Variants in PNPLA3 observed in about 807,000 individuals in gnomAD.
The protein encoded by PNPLA3 is 1-acylglycerol-3-phosphate O-acyltransferase PNPLA3.
A neutral mutation model predicts 43.1 loss-of-function variants in PNPLA3; 42 were observed. The ratio of observed to expected loss-of-function variants is 0.97; its 90% CI spans 0.76 to 1.26. PNPLA3 has a LOEUF of 1.26. Among genes scored for constraint, PNPLA3 ranks in the 50% most tolerant of loss-of-function variants. The pLI is 0.00. For synonymous variants in PNPLA3, 272 were observed against 253.6 expected (o/e 1.07, Z -0.69); for missense variants, 647 against 621.4 (o/e 1.04, Z -0.44).
rs78025921 is a variant in PNPLA3, at chr22:43,932,008, G to C, written c.487-870G>C. Among the ~76,000 whole-genome samples, 3 of 152,212 alleles carry C rather than the reference G, an allele frequency of 2.0e-5. No homozygotes were observed. In the East Asian group the frequency reaches 5.8e-4, roughly 29 times the overall value. On this transcript the variant is annotated intron_variant, in intron 3 of 8. Transcript: ENST00000216180. ...CCAAACTCTGCTCTGAAATTCCTCCGTGTGGAAGGGCGGGCTGGGGAGAGC... is the reference window on the plus strand; with the variant it reads ...CCAAACTCTGCTCTGAAATTCCTCCCTGTGGAAGGGCGGGCTGGGGAGAGC...
intron 5 of PNPLA3, among the ~76,000 whole-genome samples, chr22:43,934,999 G>A (rs1322305512): frequency 1.3e-5 from 2 of 152,094 alleles, no homozygotes; most frequent in East Asian, 3.9e-4. Context: ...GACCTCTTGT[G>A]ACCCTTAGTT....
intron 3 of PNPLA3, among the ~76,000 whole-genome samples, chr22:43,932,603 C>T (rs1331821720): frequency 6.6e-6 from 1 of 152,246 alleles, no homozygotes; most frequent in Non-Finnish European, 1.5e-5. Flanking sequence ...ACATGGACTC[C>T]AGTTTCCATC....
chr22:43,924,228 C>G, intron 1 of PNPLA3, 130 bp downstream of exon 1: 2 of 1,066,298 alleles, frequency 1.9e-6, no homozygotes, highest in East Asian at 3.2e-5. Flanking sequence ...CGGGGTGCAT[C>G]CCGAGGGCCC....
At chr22:43,924,308 C>T (rs942636062) in intron 1 of PNPLA3, 21 of 594,540 alleles carry the variant, frequency 3.5e-5, no homozygotes, top group Non-Finnish European at 5.4e-5. Flanking sequence ...GAACCCCGAG[C>T]GGTCCGGGCC....
intron 5 of PNPLA3, 73 bp downstream of exon 5, chr22:43,934,739 G>A: frequency 6.9e-7 from 1 of 1,443,356 alleles, no homozygotes; most frequent in Non-Finnish European, 9.7e-7. Flanking sequence ...AAAGACTTGA[G>A]ATTTGCCTTA....
intron 3 of PNPLA3, among the ~76,000 whole-genome samples, chr22:43,930,935 C>G (rs1475064992): frequency 1.3e-5 from 2 of 152,100 alleles, no homozygotes; most frequent in East Asian, 3.9e-4. Context: ...ACCATCCTGG[C>G]TAACACAGTG....
intron 6 of PNPLA3, among the ~76,000 whole-genome samples, chr22:43,938,275 A>G (rs1292309372): frequency 6.6e-6 from 1 of 152,244 alleles, no homozygotes; most frequent in Non-Finnish European, 1.5e-5. Context: ...AATGAGTCAG[A>G]CATAACTCCT....
chr22:43,943,845 A>G (rs553399884), intron 7 of PNPLA3, among the ~76,000 whole-genome samples: 2 of 151,844 alleles, frequency 1.3e-5, no homozygotes, highest in African/African-American at 4.8e-5. Flanking sequence ...CTGGAGTGCA[A>G]TGTCGCGATC....
At chr22:43,932,351 C>T (rs1319920920) in intron 3 of PNPLA3, among the ~76,000 whole-genome samples, 1 of 152,170 alleles carries the variant, frequency 6.6e-6, no homozygotes, top group African/African-American at 2.4e-5. Flanking sequence ...GGTGTTGGTT[C>T]TAATTGTCAA....
intron 7 of PNPLA3, among the ~76,000 whole-genome samples, 160 bp from the exon 8 acceptor site, chr22:43,944,531 A>T (rs1661342005): frequency 6.6e-6 from 1 of 151,700 alleles, no homozygotes; most frequent in Admixed American, 6.6e-5. Flanking sequence ...TGCTTTAGAG[A>T]TTTCAGGTGG....
chr22:43,933,354 A>G (rs1257158369), intron 4 of PNPLA3, among the ~76,000 whole-genome samples: 1 of 152,006 alleles, frequency 6.6e-6, no homozygotes, highest in Non-Finnish European at 1.5e-5. Flanking sequence ...CAGTATGGGT[A>G]TTAGGATTTT....
chr22:43,940,380 C>T lies in PNPLA3; in HGVS notation c.1112+255C>T, dbSNP rs75160994. 3.5e-3 allele frequency among the ~76,000 whole-genome samples: 528 copies of T among 152,308 alleles called. 6 individuals carry two copies. Among genetic ancestry groups the T allele is most frequent in the African/African-American group, 0.012 (507 of 41,570 alleles). ...CAGTGGCCTCACATAGCAGCTGGTC[C>T]AGTCTCTTGTGATTGCCCAAGGAAA... is the stretch of plus-strand genomic sequence containing the variant. On this transcript the variant is annotated intron_variant, in intron 7 of 8. Transcript: ENST00000216180.
At chr22:43,940,386 C>T (rs777161301) in intron 7 of PNPLA3, among the ~76,000 whole-genome samples, 4 of 152,218 alleles carry the variant, frequency 2.6e-5, no homozygotes, top group Admixed American at 6.5e-5. Context: ...GGTCCAGTCT[C>T]TTGTGATTGC....
chr22:43,934,055 G>A (rs996108208), intron 4 of PNPLA3, among the ~76,000 whole-genome samples: 4 of 152,244 alleles, frequency 2.6e-5, no homozygotes, highest in Admixed American at 1.3e-4. Flanking sequence ...GGTGGCTCAC[G>A]CCTGTAATCC....
At chr22:43,940,265 C>T in intron 7 of PNPLA3, 140 bp downstream of exon 7, 1 of 1,065,014 alleles carries the variant, frequency 9.4e-7, no homozygotes. Flanking sequence ...GTGCAATGCC[C>T]CTGAATGTTG....
chr22:43,936,709 A>G (rs1370143912), intron 5 of PNPLA3, among the ~76,000 whole-genome samples: 1 of 152,174 alleles, frequency 6.6e-6, no homozygotes, highest in Non-Finnish European at 1.5e-5. Flanking sequence ...GTAAGGCCTT[A>G]TGGTGAAGCA....
intron 1 of PNPLA3, 131 bp from the exon 2 acceptor site, chr22:43,926,804 G>A (rs1454276758): frequency 1.4e-6 from 1 of 696,536 alleles, no homozygotes; most frequent in African/African-American, 1.8e-5. Context: ...AGCCACATGT[G>A]GCTCCCATAG....
At chr22:43,931,138 A>G (rs1026061836) in intron 3 of PNPLA3, among the ~76,000 whole-genome samples, 7 of 151,674 alleles carry the variant, frequency 4.6e-5, no homozygotes, top group Non-Finnish European at 5.9e-5. Flanking sequence ...CAAACAAAAC[A>G]AAACAAAACA....
chr22:43,935,147 A>G (rs2049986914), intron 5 of PNPLA3, among the ~76,000 whole-genome samples: 2 of 152,150 alleles, frequency 1.3e-5, no homozygotes, highest in Non-Finnish European at 2.9e-5. Flanking sequence ...CCTTCAAGTC[A>G]TCCTGGCTTG....
Sources: allele counts gnomAD v4.1 joint callset (sites outside exome capture counted in the v4.1 genomes callset), GRCh38; gene constraint gnomAD v4.1.1; transcripts MANE v1.5; gene names NCBI Gene and HGNC (gene_info 2026-07-23, HGNC 2026-07-21).